The following MTMR8 variants were observed in gnomAD, a reference collection of about 807,000 sequenced individuals.
The protein encoded by MTMR8 is myotubularin related protein 8.
A neutral mutation model predicts 39.3 loss-of-function variants in MTMR8; 65 were observed. The ratio of observed to expected loss-of-function variants is 1.65; its 90% CI spans 1.35 to 2.03. The LOEUF (loss-of-function observed/expected upper bound fraction) is 2.03, where lower values mean the gene tolerates loss of function less well. Ranked by LOEUF, MTMR8 falls within the 30% of genes most tolerant of loss-of-function variation. MTMR8 has a pLI of 0.00. For missense variants in MTMR8, 777 were observed against 538.9 expected, an observed-to-expected ratio of 1.44 and a Z score of -4.37; for synonymous variants, 245 against 185.2, an observed-to-expected ratio of 1.32 and a Z score of -2.62.
At chrX:64,373,313 G>A (rs1489026556) in intron 1 of MTMR8, among the ~76,000 whole-genome samples, 2 of 111,440 alleles carry the variant, frequency 1.8e-5, no homozygotes, top group African/African-American at 6.5e-5. Flanking sequence ...CCCAGTGGGA[G>A]GTGATTAGAT....
Position 64,302,228 on chromosome X carries a change from C to T in MTMR8, c.1481+26544G>A, listed in dbSNP as rs928145007. Reference sequence around the variant, plus strand: ...CTAGCAATCAGCGAGATTCCGCGGGCGTAGGACCCTCCGAGCCAGGTGTGG... The same window carrying T: ...CTAGCAATCAGCGAGATTCCGCGGGTGTAGGACCCTCCGAGCCAGGTGTGG... On this transcript the variant is annotated intron_variant, in intron 12 of 13. Transcript: ENST00000374852. Among the ~76,000 whole-genome samples, 54 of 112,594 alleles carry T rather than the reference C, an allele frequency of 4.8e-4. No individual in the cohort carries two copies. In the Middle Eastern group the frequency reaches 0.014, roughly 29 times the overall value.
chrX:64,287,071 C>T (rs1216253248), intron 12 of MTMR8, among the ~76,000 whole-genome samples: 1 of 111,712 alleles, frequency 9.0e-6, no homozygotes, highest in Admixed American at 9.5e-5. Flanking sequence ...ACCCCATTGT[C>T]TCAGCCCAAA....
At chrX:64,321,395 A>G (rs972289006) in intron 12 of MTMR8, among the ~76,000 whole-genome samples, 1 of 112,323 alleles carries the variant, frequency 8.9e-6, no homozygotes, top group Admixed American at 9.4e-5. Context: ...TAATAAAAAC[A>G]AAACAAAACA....
chrX:64,364,876 C>T (rs949458664), intron 1 of MTMR8, among the ~76,000 whole-genome samples: 3 of 111,175 alleles, frequency 2.7e-5, no homozygotes, highest in Non-Finnish European at 3.8e-5. Flanking sequence ...AAAGATTAGA[C>T]GAATGGCTAA....
intron 1 of MTMR8, among the ~76,000 whole-genome samples, chrX:64,387,887 A>T (rs1438746329): frequency 9.1e-6 from 1 of 109,882 alleles, no homozygotes; most frequent in East Asian, 2.9e-4. Context: ...AGAAAAGGAG[A>T]GAAAAGAGGC....
rs192626863 is a variant in MTMR8, at chrX:64,291,020, A to G, written c.1482-19947T>C. Among the ~76,000 whole-genome samples the G allele has an allele frequency of 2.2e-3, 251 of 111,844 alleles. 3 individuals are homozygous for G. The highest frequency in any genetic ancestry group is 7.9e-3 in the African/African-American group (242 of 30,717). ...TTGTTGGGGCATATGGCATTTGCAT[A>G]TTCAATTTTTTAGAAAACTGACAAA... On this transcript the variant is annotated intron_variant, in intron 12 of 13. Coordinates refer to ENST00000374852, the MANE Select transcript of MTMR8 (RefSeq NM_017677.4).
At chrX:64,321,973 T>C (rs1466242442) in intron 12 of MTMR8, among the ~76,000 whole-genome samples, 1 of 111,926 alleles carries the variant, frequency 8.9e-6, no homozygotes, top group African/African-American at 3.3e-5. Context: ...GATTTGCATA[T>C]GTTGAGCCAT....
intron 12 of MTMR8, among the ~76,000 whole-genome samples, chrX:64,301,736 G>A (rs1364861733): frequency 2.7e-5 from 3 of 111,334 alleles, no homozygotes; most frequent in Non-Finnish European, 5.7e-5. Flanking sequence ...TGATGATGGT[G>A]ATGTACAGAT....
chrX:64,278,915 G>A (rs1931944212), intron 12 of MTMR8, among the ~76,000 whole-genome samples: 1 of 111,880 alleles, frequency 8.9e-6, no homozygotes, highest in African/African-American at 3.3e-5. Context: ...GAATAGCAAA[G>A]ATTGCTGCCT....
intron 12 of MTMR8, among the ~76,000 whole-genome samples, chrX:64,284,988 T>C (rs1396853888): frequency 8.9e-6 from 1 of 111,884 alleles, no homozygotes; most frequent in Non-Finnish European, 1.9e-5. Flanking sequence ...TAACCTTAAA[T>C]GTAAATGGGC....
intron 12 of MTMR8, among the ~76,000 whole-genome samples, chrX:64,311,631 T>C (rs1227865068): frequency 8.9e-6 from 1 of 111,945 alleles, no homozygotes; most frequent in Non-Finnish European, 1.9e-5. Context: ...GTTTTAGTTC[T>C]AACATTTAAG....
intron 12 of MTMR8, among the ~76,000 whole-genome samples, chrX:64,313,321 A>C (rs768932431): frequency 8.9e-6 from 1 of 112,577 alleles, no homozygotes; most frequent in South Asian, 3.7e-4. Context: ...TGTGTTATGG[A>C]GATGACTCCT....
At position 64,395,420 on chromosome X, in the gene MTMR8, G is replaced by A. The variant is rs999245306; in HGVS notation, c.-57C>T. 2 of 1,163,273 alleles carry A rather than the reference G, an allele frequency of 1.7e-6. No individual in the cohort carries two copies. The highest frequency in any genetic ancestry group is 2.3e-6 in the Non-Finnish European group (2 of 857,101). ...TGCTACTCCAGATGCCGCCGCCACC[G>A]GTCTAGCCGCCTCCTGCCTCAACCC... On this transcript the variant is annotated 5_prime_UTR_variant, in exon 1 of 14. Transcript: ENST00000374852.
intron 1 of MTMR8, among the ~76,000 whole-genome samples, chrX:64,369,367 A>G (rs773096310): frequency 8.9e-6 from 1 of 112,125 alleles, no homozygotes; most frequent in Admixed American, 9.4e-5. Context: ...ACCAACCCAG[A>G]TGTCCATCAA....
At chrX:64,289,776 C>G (rs1161674183) in intron 12 of MTMR8, among the ~76,000 whole-genome samples, 1 of 108,568 alleles carries the variant, frequency 9.2e-6, no homozygotes, top group Non-Finnish European at 1.9e-5. Flanking sequence ...ATGATAAAAA[C>G]AATATGGTAT....
chrX:64,392,092 G>A (rs372166065), intron 1 of MTMR8, among the ~76,000 whole-genome samples: 3 of 111,538 alleles, frequency 2.7e-5, no homozygotes, highest in Non-Finnish European at 3.8e-5. Context: ...GGTCTGAGAC[G>A]CTCCAAAAAT....
At chrX:64,386,653 A>T (rs977883922) in intron 1 of MTMR8, among the ~76,000 whole-genome samples, 1 of 112,081 alleles carries the variant, frequency 8.9e-6, no homozygotes, top group African/African-American at 3.2e-5. Context: ...CCTGATGGGG[A>T]AGCTGCAGGG....
chrX:64,276,243 G>A (rs1290685710), intron 12 of MTMR8, among the ~76,000 whole-genome samples: 1 of 110,317 alleles, frequency 9.1e-6, no homozygotes. Context: ...GTTTGCTCTT[G>A]CTTCTCTAGT....
chrX:64,389,592 G>T (rs1924643947), intron 1 of MTMR8, among the ~76,000 whole-genome samples: 1 of 111,407 alleles, frequency 9.0e-6, no homozygotes, highest in African/African-American at 3.3e-5. Context: ...GGCTTTCTAG[G>T]TAGCCTCTTT....
Sources: gnomAD v4.1 joint callset for allele counts (sites outside exome capture counted in the v4.1 genomes callset) on GRCh38, gnomAD v4.1.1 for gene constraint, MANE v1.5 for transcripts, NCBI Gene and HGNC (gene_info 2026-07-23, HGNC 2026-07-21) for gene names.